The following AGBL1 variants were observed in gnomAD, a reference collection of about 807,000 sequenced individuals.
The protein encoded by AGBL1 is cytosolic carboxypeptidase 4.
AGBL1 carries 130 observed loss-of-function variants against 118.9 expected under a neutral mutation model. The observed-to-expected ratio is 1.09, with a 90% CI of 0.95 to 1.26. The LOEUF (loss-of-function observed/expected upper bound fraction) is 1.26. AGBL1 is among the 50% of genes most tolerant of loss of function. AGBL1 has a pLI of 0.00. For synonymous variants in AGBL1, 555 were observed against 478.9 expected (o/e 1.16, Z -2.08); for missense variants, 1,584 against 1,298.1 (o/e 1.22, Z -3.38).
chr15:86,147,106 A>G (rs2077042655), intron 3 of AGBL1, among the ~76,000 whole-genome samples: 2 of 152,214 alleles, frequency 1.3e-5, no homozygotes, highest in South Asian at 4.1e-4. Flanking sequence ...GTTATTTGGA[A>G]CAGTAATGTA....
chr15:86,111,343 A>G (rs920542929), intron 1 of AGBL1, among the ~76,000 whole-genome samples: 4 of 152,218 alleles, frequency 2.6e-5, no homozygotes, highest in African/African-American at 9.6e-5. Flanking sequence ...AATAGCCAAG[A>G]TTCTGGTGTA....
Position 86,270,023 on chromosome 15 carries a change from T to C in AGBL1, c.1943T>C (p.Phe648Ser), listed in dbSNP as rs1455299238. 6.2e-6 allele frequency: 10 copies of C among 1,613,052 alleles called. No homozygotes were observed. Among genetic ancestry groups the C allele is most frequent in the African/African-American group, 1.3e-5 (1 of 74,916 alleles). The change falls in exon 14 of 23, where the codon TTC becomes TCC. Residue 648 changes from phenylalanine (F) to serine (S), a missense_variant. Physicochemically the swap from Phe to Ser is radical, Grantham distance 155 (BLOSUM62 -2). Transcript: ENST00000614907. Reference sequence around the variant, plus strand: ...ATGCAGGCGGCCATCCCTTACCACTTCAACATCATCAACTGTGAGAAGCCC... The same window carrying C: ...ATGCAGGCGGCCATCCCTTACCACTCCAACATCATCAACTGTGAGAAGCCC... The part of the protein sequence containing the change: ...SGMQAAIPYH[F>S]NIINCEKPNS...
intron 22 of AGBL1, among the ~76,000 whole-genome samples, chr15:86,755,135 T>C (rs923052958): frequency 6.6e-6 from 1 of 152,012 alleles, no homozygotes; most frequent in African/African-American, 2.4e-5. Context: ...ACTTTCATAC[T>C]TGTGTCTGCT....
intron 5 of AGBL1, among the ~76,000 whole-genome samples, chr15:86,180,373 A>G (rs2077535827): frequency 6.6e-6 from 1 of 152,148 alleles, no homozygotes; most frequent in Admixed American, 6.6e-5. Context: ...ACACTTCAAA[A>G]ATAAACCCAT....
intron 23 of AGBL1, among the ~76,000 whole-genome samples, chr15:86,949,626 T>C (rs1417713506): frequency 5.3e-5 from 8 of 152,084 alleles, no homozygotes; most frequent in South Asian, 2.1e-4. Context: ...AAAGGGTCAA[T>C]CCACAAAAAT....
intron 22 of AGBL1, among the ~76,000 whole-genome samples, chr15:86,879,883 A>G (rs1406578334): frequency 6.6e-6 from 1 of 152,180 alleles, no homozygotes; most frequent in Non-Finnish European, 1.5e-5. Flanking sequence ...CCATGGGACC[A>G]TGTCTTCTTG....
At chr15:86,559,457 GA>G (rs536049720) in intron 21 of AGBL1, among the ~76,000 whole-genome samples, 97 of 152,196 alleles carry the variant, frequency 6.4e-4, no homozygotes, top group African/African-American at 2.2e-3. Context: ...TGAGGAAAAT[GA>G]AAAGTTTCAG....
chr15:87,021,060 G>A (rs1331486499), intron 24 of AGBL1, among the ~76,000 whole-genome samples: 1 of 152,032 alleles, frequency 6.6e-6, no homozygotes, highest in Admixed American at 6.6e-5. Context: ...TAAGCAAAAA[G>A]AGCAAAGCTG....
At chr15:86,591,219 C>A (rs546204473) in intron 21 of AGBL1, among the ~76,000 whole-genome samples, 4 of 152,190 alleles carry the variant, frequency 2.6e-5, no homozygotes, top group Non-Finnish European at 5.9e-5. Context: ...AAACTCAGAG[C>A]TTTTTCCTAT....
Position 86,405,830 on chromosome 15 carries a change from T to C in AGBL1, c.2555+8284T>C, listed in dbSNP as rs1472137151. Among the ~76,000 whole-genome samples the C allele has an allele frequency of 2.0e-5, 3 of 149,550 alleles. No individual in the cohort carries two copies. The South Asian group carries it at 6.3e-4, about 32-fold the overall frequency. ...GTAGAAGTCTAAGTTCAAAAGGAGATGCTAAAAAAAAAAAAGATTAAGAAC... is the reference window on the plus strand; with the variant it reads ...GTAGAAGTCTAAGTTCAAAAGGAGACGCTAAAAAAAAAAAAGATTAAGAAC... On this transcript the variant is annotated intron_variant, in intron 18 of 22. Transcript: ENST00000614907.
chr15:86,757,151 T>G (rs569210448), intron 22 of AGBL1, among the ~76,000 whole-genome samples: 38 of 152,202 alleles, frequency 2.5e-4, no homozygotes, highest in African/African-American at 8.9e-4. Flanking sequence ...TTATTCATGA[T>G]TAACATTAGA....
chr15:86,926,706 TAATAGA>T (rs2080544678), intron 23 of AGBL1, among the ~76,000 whole-genome samples: 2 of 152,184 alleles, frequency 1.3e-5, no homozygotes, highest in South Asian at 4.1e-4. Context: ...GCAGTGCTAA[TAATAGA>T]AATAGAGGTA....
chr15:86,658,324 C>G (rs2085491997), intron 21 of AGBL1, among the ~76,000 whole-genome samples: 1 of 152,092 alleles, frequency 6.6e-6, no homozygotes, highest in African/African-American at 2.4e-5. Flanking sequence ...GAGAATGTAA[C>G]AATGTCTGAC....
chr15:86,608,088 C>A, intron 21 of AGBL1, among the ~76,000 whole-genome samples: 1 of 152,120 alleles, frequency 6.6e-6, no homozygotes, highest in African/African-American at 2.4e-5. Flanking sequence ...ACAGTGACAT[C>A]ATTTGTTTTT....
At chr15:86,859,963 G>A (rs751974050) in intron 22 of AGBL1, among the ~76,000 whole-genome samples, 7 of 152,170 alleles carry the variant, frequency 4.6e-5, no homozygotes, top group Non-Finnish European at 1.0e-4. Context: ...TTAGCCAGAG[G>A]ATTAAATCTG....
intron 13 of AGBL1, among the ~76,000 whole-genome samples, chr15:86,269,278 A>G (rs1469770747): frequency 6.6e-6 from 1 of 152,166 alleles, no homozygotes; most frequent in Non-Finnish European, 1.5e-5. Context: ...GGGGATGTAT[A>G]TTTACTAGGT....
chr15:86,621,850 T>C (rs1224549402), intron 21 of AGBL1, among the ~76,000 whole-genome samples: 3 of 152,242 alleles, frequency 2.0e-5, no homozygotes. Context: ...AAGTGATCAA[T>C]GAATATTAAT....
In AGBL1 at chr15:86,577,679, T is replaced by A. The variant is rs567557920; in HGVS notation, c.2994+23142T>A. ...AGGTGGGCCCAGGGTCCCCGTGCTGTGTGTAGCTATGGACGTGGTGCCCTG... is the reference window on the plus strand; with the variant it reads ...AGGTGGGCCCAGGGTCCCCGTGCTGAGTGTAGCTATGGACGTGGTGCCCTG... On this transcript the variant is annotated intron_variant, in intron 21 of 22. Transcript: ENST00000614907. Among the ~76,000 whole-genome samples the A allele has an allele frequency of 7.4e-4, 112 of 152,226 alleles. No homozygotes were observed. In the South Asian group the frequency reaches 0.021, roughly 28 times the overall value.
At chr15:86,651,552 A>T (rs1001341293) in intron 21 of AGBL1, among the ~76,000 whole-genome samples, 2 of 152,186 alleles carry the variant, frequency 1.3e-5, no homozygotes, top group South Asian at 2.1e-4. Flanking sequence ...TTTGGCATAT[A>T]CAATCCTCAT....
Sources: gnomAD v4.1 joint callset for allele counts (sites outside exome capture counted in the v4.1 genomes callset) on GRCh38, gnomAD v4.1.1 for gene constraint, MANE v1.5 for transcripts, NCBI Gene and HGNC (gene_info 2026-07-23, HGNC 2026-07-21) for gene names.